Variants in CYP4F3 observed in about 807,000 individuals in gnomAD.
CYP4F3 encodes cytochrome P450 family 4 subfamily F member 3.
In CYP4F3, 50 loss-of-function variants were observed where a neutral mutation model predicts 54.8. That is an observed-to-expected ratio of 0.91 (90% CI 0.73 to 1.16). The LOEUF (loss-of-function observed/expected upper bound fraction) is 1.16, where lower values mean the gene tolerates loss of function less well. CYP4F3 is among the 50% of genes most tolerant of loss of function. The pLI, the probability that CYP4F3 is intolerant of heterozygous loss-of-function variation, is 0.00. For missense variants in CYP4F3, 715 were observed against 676.2 expected (o/e 1.06, Z -0.64); for synonymous variants, 244 against 262.6 (o/e 0.93, Z 0.69).
Position 15,650,002 on chromosome 19 carries a change from T to C in CYP4F3, c.737T>C (p.Leu246Pro), listed in dbSNP as rs751683400. 6.2e-7 allele frequency: 1 copy of C among 1,614,202 alleles called. No homozygotes were observed. The highest frequency in any genetic ancestry group is 8.5e-7 in the Non-Finnish European group (1 of 1,180,036). Residue 246 changes from leucine to proline, a missense_variant, in exon 7 of 13, where the codon CTG becomes CCG. Leu to Pro is a moderately conservative substitution (Grantham distance 98). Transcript: ENST00000221307. ...HQQILLYIDF[L>P]YYLTPDGQRF... ...CAGATCCTCCTGTACATAGACTTCCTGTATTATCTCACCCCTGATGGGCAG... is the reference window on the plus strand; with the variant it reads ...CAGATCCTCCTGTACATAGACTTCCCGTATTATCTCACCCCTGATGGGCAG...
At chr19:15,643,620 T>G (rs1291468461) in intron 2 of CYP4F3, among the ~76,000 whole-genome samples, 1 of 151,252 alleles carries the variant, frequency 6.6e-6, no homozygotes, top group East Asian at 1.9e-4. Context: ...GACGGTGGAG[T>G]TCTGGTGTCC....
chr19:15,653,145 A>G (rs1972909548), intron 9 of CYP4F3, among the ~76,000 whole-genome samples, 193 bp downstream of exon 9: 1 of 152,188 alleles, frequency 6.6e-6, no homozygotes, highest in Non-Finnish European at 1.5e-5. Flanking sequence ...TTAGGACAGA[A>G]AGACCTGGGC....
intron 9 of CYP4F3, 65 bp from the exon 10 acceptor site, chr19:15,658,199 G>A: frequency 1.3e-6 from 2 of 1,583,282 alleles, no homozygotes; most frequent in Non-Finnish European, 1.7e-6. Context: ...CTTGCAAACA[G>A]AGAGAAGCTG....
chr19:15,649,880 A>T (rs772761668), intron 6 of CYP4F3, 33 bp from the exon 7 acceptor site: 2 of 1,607,876 alleles, frequency 1.2e-6, no homozygotes, highest in South Asian at 2.2e-5. Flanking sequence ...GGTGTATTAA[A>T]TTGTTGCCTC....
chr19:15,645,888 G>A, intron 3 of CYP4F3, 25 bp downstream of exon 3: 1 of 1,581,420 alleles, frequency 6.3e-7, no homozygotes, highest in South Asian at 1.2e-5. Flanking sequence ...GGCCACTCCA[G>A]GTAGACACTG....
rs1007946585 is a variant in CYP4F3 at position 15,641,568 on chromosome 19, C to T, written c.153C>T (p.Phe51=). Reference sequence around the variant, plus strand: ...ACAACTGCTGCCGCCTCCGGTGTTTCCCGCAACCCCCGAAACGGAATTGGT... The same window carrying T: ...ACAACTGCTGCCGCCTCCGGTGTTTTCCGCAACCCCCGAAACGGAATTGGT... ...FYDNCCRLRC[F]PQPPKRNWFL... Residue 51 remains phenylalanine (F), a synonymous_variant, in exon 2 of 13, where the codon TTC becomes TTT. Coordinates refer to ENST00000221307, the MANE Select transcript of CYP4F3 (RefSeq NM_000896.3). 6.2e-7 allele frequency: 1 copy of T among 1,614,122 alleles called. No individual in the cohort carries two copies. The highest frequency in any genetic ancestry group is 1.3e-5 in the African/African-American group (1 of 75,004).
chr19:15,647,982 A>T (rs1029968429), intron 5 of CYP4F3, among the ~76,000 whole-genome samples: 2 of 152,096 alleles, frequency 1.3e-5, no homozygotes, highest in Non-Finnish European at 1.5e-5. Flanking sequence ...TTGTATTTTG[A>T]CATCAAAAGC....
rs201280902 is a variant in CYP4F3 at position 15,648,005 on chromosome 19, A to G, written c.525+681A>G. ...TGACATCAAAAGCCAATAGTCCAAC[A>G]CGGAATCAATGGCAGGGGGTAAAAT... On this transcript the variant is annotated intron_variant, in intron 5 of 12. Coordinates refer to ENST00000221307, the MANE Select transcript of CYP4F3 (RefSeq NM_000896.3). Among the ~76,000 whole-genome samples the G allele has an allele frequency of 6.6e-5, 10 of 152,288 alleles. No homozygotes were observed. In the East Asian group the frequency reaches 1.9e-3, roughly 29 times the overall value.
intron 1 of CYP4F3, among the ~76,000 whole-genome samples, 187 bp downstream of exon 1, chr19:15,641,132 CT>C (rs1972449643): frequency 6.6e-6 from 1 of 152,192 alleles, no homozygotes; most frequent in Non-Finnish European, 1.5e-5. Context: ...AACCAAGCCC[CT>C]GGCAACGTCC....
Position 15,647,314 on chromosome 19 carries a change from A to C in CYP4F3, c.515A>C (p.Asn172Thr), listed in dbSNP as rs533687567. 1 of 1,614,180 alleles carries C rather than the reference A, an allele frequency of 6.2e-7. No homozygotes were observed. Among genetic ancestry groups the C allele is most frequent in the African/African-American group, 1.3e-5 (1 of 75,040 alleles). Residue 172 changes from asparagine to threonine, a missense_variant, in exon 5 of 13, where the codon AAC (asparagine) becomes ACC (threonine). By Grantham distance (65) the Asn-to-Thr change is moderately conservative. Transcript: ENST00000221307. ...ATGAAGATTTTCAATGAGAGTGTGA[A>C]CATCATGCATGTGAGTTATTTGAAG... ...PYMKIFNESV[N>T]IMHAKWQLLA...
intron 2 of CYP4F3, chr19:15,644,116 C>T (rs974344786): frequency 9.6e-6 from 14 of 1,457,340 alleles, no homozygotes; most frequent in Non-Finnish European, 1.3e-5. Flanking sequence ...TCCCTCTATC[C>T]CCAAGCCGTG....
chr19:15,647,887 T>A (rs1234305633), intron 5 of CYP4F3, among the ~76,000 whole-genome samples: 2 of 151,994 alleles, frequency 1.3e-5, no homozygotes, highest in Admixed American at 6.6e-5. Context: ...CCAGAAGGAG[T>A]CCCATGGTTT....
Position 15,658,735 on chromosome 19 carries a change from C to T in CYP4F3, c.1323C>T (p.Asp441=). ...PAVWPDPEVY[D]PFRFDPKNIK... The stretch of plus-strand genomic sequence containing the variant: ...CTTGGTCTCGCCTCCAGGTCTATGA[C>T]CCCTTTCGCTTTGACCCAAAGAACA... Residue 441 remains aspartate (D), a synonymous_variant, in exon 12 of 13, where the codon GAC becomes GAT. Coordinates refer to ENST00000221307, the MANE Select transcript of CYP4F3 (RefSeq NM_000896.3). 1 of 1,614,136 alleles carries T rather than the reference C, an allele frequency of 6.2e-7. No homozygotes were observed. Among genetic ancestry groups the T allele is most frequent in the Middle Eastern group, 1.6e-4 (1 of 6,062 alleles).
At chr19:15,643,986 G>A in intron 2 of CYP4F3, 1 of 1,606,038 alleles carries the variant, frequency 6.2e-7, no homozygotes, top group Non-Finnish European at 8.5e-7. Flanking sequence ...GTCTGGATGG[G>A]CCCCATCTTC....
At chr19:15,648,513 C>A (rs1374078791) in intron 5 of CYP4F3, among the ~76,000 whole-genome samples, 1 of 152,006 alleles carries the variant, frequency 6.6e-6, no homozygotes, top group African/African-American at 2.4e-5. Flanking sequence ...TTGTGACATG[C>A]CCAGAAAGGG....
Position 15,641,493 on chromosome 19 carries a change from G to T in CYP4F3, c.78G>T (p.Gly26=). ...ASPWLLLLLV[G]ASWLLARILA... ...CGTGGCTGCTCCTGCTGCTGGTTGG[G>T]GCCTCCTGGCTCCTGGCCCGCATCC... Residue 26 remains glycine, a synonymous_variant, in exon 2 of 13, where the codon GGG becomes GGT. Transcript: ENST00000221307. The T allele has an allele frequency of 6.2e-7, 1 of 1,614,194 alleles. No individual in the cohort carries two copies.
intron 9 of CYP4F3, among the ~76,000 whole-genome samples, chr19:15,653,759 A>AGT (rs1568400667): frequency 0.026 from 3,307 of 124,802 alleles, 153 homozygotes; most frequent in African/African-American, 0.085. Context: ...AGAGAGAGAG[A>AGT]GAGAGAGAGA....
intron 1 of CYP4F3, 164 bp from the exon 2 acceptor site, chr19:15,641,251 G>C: frequency 2.3e-6 from 2 of 853,118 alleles, no homozygotes; most frequent in South Asian, 3.7e-5. Context: ...TTTTGGCTGG[G>C]CCTTTCTGGA....
chr19:15,647,371 G>T, intron 5 of CYP4F3, 47 bp downstream of exon 5: 1 of 1,611,976 alleles, frequency 6.2e-7, no homozygotes, highest in Non-Finnish European at 8.5e-7. Context: ...TTGGTTGGGG[G>T]GAACCACAGA....
Sources: allele counts gnomAD v4.1 joint callset (sites outside exome capture counted in the v4.1 genomes callset), GRCh38; gene constraint gnomAD v4.1.1; transcripts MANE v1.5; gene names NCBI Gene and HGNC (gene_info 2026-07-23, HGNC 2026-07-21).